The following TPO variants were observed in gnomAD, a reference collection of about 807,000 sequenced individuals.
TPO encodes thyroid peroxidase.
In TPO, 78 loss-of-function variants were observed where a neutral mutation model predicts 96.9. That is an observed-to-expected ratio of 0.81 (90% CI 0.67 to 0.97). TPO has a LOEUF of 0.97. Ranked by LOEUF, TPO falls within the 50% of genes least tolerant of loss-of-function variation. The pLI is 0.00. For missense variants in TPO, 1,252 were observed against 1,274.8 expected, an observed-to-expected ratio of 0.98 and a Z score of 0.27; for synonymous variants, 547 against 538.0, an observed-to-expected ratio of 1.02 and a Z score of -0.23.
At chr2:1,392,514 C>G (rs992753828) in intron 1 of TPO, among the ~76,000 whole-genome samples, 1 of 152,116 alleles carries the variant, frequency 6.6e-6, no homozygotes, top group Non-Finnish European at 1.5e-5. Context: ...TGATGTTGGC[C>G]TCATAAAATG....
chr2:1,533,423 A>C (rs1293798843), intron 15 of TPO, among the ~76,000 whole-genome samples: 10 of 71,964 alleles, frequency 1.4e-4, no homozygotes, highest in Admixed American at 5.8e-4. Flanking sequence ...ATCCCCCCAA[A>C]TGTGTGCAAC....
intron 3 of TPO, among the ~76,000 whole-genome samples, chr2:1,430,289 C>T (rs140661792): frequency 1.5e-4 from 23 of 152,196 alleles, no homozygotes; most frequent in Non-Finnish European, 2.2e-4. Context: ...CAGTCCAAGC[C>T]GTAAGTGTCT....
At chr2:1,495,638 G>A (rs576949684) in intron 11 of TPO, among the ~76,000 whole-genome samples, 124 of 152,374 alleles carry the variant, frequency 8.1e-4, no homozygotes, top group African/African-American at 2.8e-3. Flanking sequence ...GAGGCCGCTC[G>A]TTCAGACAGC....
intron 5 of TPO, among the ~76,000 whole-genome samples, chr2:1,439,985 C>G (rs529957646): frequency 6.6e-5 from 10 of 152,226 alleles, no homozygotes; most frequent in Admixed American, 1.3e-4. Context: ...AAGTTCCCCC[C>G]CAGCGGTCTC....
At chr2:1,431,003 G>A (rs948802632) in intron 3 of TPO, among the ~76,000 whole-genome samples, 88 of 152,310 alleles carry the variant, frequency 5.8e-4, no homozygotes, top group African/African-American at 1.9e-3. Context: ...GGACTGTTGC[G>A]AATGCGCAAT....
intron 1 of TPO, 79 bp downstream of exon 1, chr2:1,413,624 G>T (rs571281447): frequency 2.2e-5 from 21 of 958,170 alleles, no homozygotes; most frequent in Non-Finnish European, 2.6e-5. Context: ...CCCAAGAGTG[G>T]CTGTAATTTG....
At chr2:1,509,761 CTTTCAGGGACACCCTACCCTT>C in intron 14 of TPO, among the ~76,000 whole-genome samples, 1 of 31,354 alleles carries the variant, frequency 3.2e-5, no homozygotes, top group African/African-American at 1.7e-4. Context: ...CCACCCCCTT[CTTTCAGGGACACCCTACCCTT>C]TTGTTTCAGG....
chr2:1,505,179 C>T (rs991418648), intron 14 of TPO, among the ~76,000 whole-genome samples: 18 of 152,180 alleles, frequency 1.2e-4, no homozygotes, highest in Non-Finnish European at 2.2e-4. Flanking sequence ...GAGGCTCTTT[C>T]TGGGGCTCTC....
rs747152049 is a variant in TPO, at chr2:1,494,046, TC to T, written c.2006+9del. 1.2e-5 allele frequency: 19 copies of T among 1,613,160 alleles called. No homozygotes were observed. The highest frequency in any genetic ancestry group is 1.6e-4 in the Middle Eastern group (1 of 6,076). ...CTCTGCGGGACGGTGACTGGTACGT[TC>T]CTATCCAGAGCGTCTTCCTTCACGT... On this transcript the variant is annotated splice_region_variant and intron_variant, in intron 11 of 16. Transcript: ENST00000329066.
chr2:1,397,770 TC>T (rs573012073), intron 1 of TPO, among the ~76,000 whole-genome samples: 1 of 152,212 alleles, frequency 6.6e-6, no homozygotes, highest in African/African-American at 2.4e-5. Context: ...GGCAGTTGGC[TC>T]CTCTGCTTTG....
chr2:1,434,858 AG>A (rs1665400906), intron 4 of TPO, among the ~76,000 whole-genome samples: 1 of 152,226 alleles, frequency 6.6e-6, no homozygotes, highest in South Asian at 2.1e-4. Context: ...ATTCCATTAA[AG>A]GTCAGTGCCT....
At chr2:1,440,319 C>T (rs1397955945) in intron 5 of TPO, among the ~76,000 whole-genome samples, 2 of 152,156 alleles carry the variant, frequency 1.3e-5, no homozygotes, top group Non-Finnish European at 2.9e-5. Flanking sequence ...TCCATTTCTA[C>T]TAGTTTTCTT....
intron 2 of TPO, among the ~76,000 whole-genome samples, chr2:1,416,570 A>C (rs1324872222): frequency 6.6e-6 from 1 of 152,242 alleles, no homozygotes; most frequent in African/African-American, 2.4e-5. Context: ...CGTTTTGCTT[A>C]AACTTTTGGT....
chr2:1,515,105 TCCTGACTGCCCTGA>T (rs1451527880), intron 14 of TPO, among the ~76,000 whole-genome samples: 1 of 152,180 alleles, frequency 6.6e-6, no homozygotes, highest in African/African-American at 2.4e-5. Context: ...GGCTGCCCTG[TCCTGACTGCCCTGA>T]CCTGGCCTGT....
intron 14 of TPO, among the ~76,000 whole-genome samples, chr2:1,509,351 C>G (rs1404619752): frequency 1.3e-5 from 2 of 151,898 alleles, no homozygotes; most frequent in South Asian, 4.2e-4. Flanking sequence ...ACCACACCCT[C>G]TTGTATCGGG....
At chr2:1,527,922 G>T (rs80165819) in intron 15 of TPO, among the ~76,000 whole-genome samples, 36 of 53,288 alleles carry the variant, frequency 6.8e-4, no homozygotes, top group African/African-American at 1.9e-3. Context: ...CCCAATGTGA[G>T]CAACCTCCTC....
intron 15 of TPO, among the ~76,000 whole-genome samples, chr2:1,524,946 A>C (rs1181309262): frequency 9.0e-5 from 7 of 77,460 alleles, no homozygotes; most frequent in African/African-American, 3.4e-4. Flanking sequence ...TCAAATCCCG[A>C]CTCTGTGCAA....
chr2:1,461,915 G>A (rs1668480891), intron 7 of TPO, among the ~76,000 whole-genome samples: 1 of 152,196 alleles, frequency 6.6e-6, no homozygotes, highest in African/African-American at 2.4e-5. Flanking sequence ...CCCCCGCAGA[G>A]GTTCCGGGGG....
At chr2:1,390,019 CTTTTTTTTTT>C (rs5828818) in intron 1 of TPO, among the ~76,000 whole-genome samples, 1 of 138,056 alleles carries the variant, frequency 7.2e-6, no homozygotes, top group African/African-American at 2.6e-5. Context: ...TCTTTCTTTT[CTTTTTTTTTT>C]TTTTTAATAC....
Sources: allele counts gnomAD v4.1 joint callset (sites outside exome capture counted in the v4.1 genomes callset), GRCh38; gene constraint gnomAD v4.1.1; transcripts MANE v1.5; gene names NCBI Gene and HGNC (gene_info 2026-07-23, HGNC 2026-07-21).